The following LRP1B variants were observed in gnomAD, a reference collection of about 807,000 sequenced individuals.
LRP1B encodes the protein LDL receptor related protein 1B.
Under a neutral mutation model 556.6 loss-of-function variants are expected in LRP1B, and 217 were observed. That is an observed-to-expected ratio of 0.39 (90% CI 0.35 to 0.44). LRP1B has a LOEUF of 0.44. LRP1B is among the 20% of genes least tolerant of loss of function. The pLI is 1.00. For missense variants in LRP1B, 5,053 were observed against 5,620.8 expected, an observed-to-expected ratio of 0.90 and a Z score of 3.23; for synonymous variants, 2,047 against 1,865.8, an observed-to-expected ratio of 1.10 and a Z score of -2.50.
At chr2:140,303,012 C>CACATAT (rs1386410889) in intron 83 of LRP1B, among the ~76,000 whole-genome samples, 20 of 82,836 alleles carry the variant, frequency 2.4e-4, no homozygotes, top group Admixed American at 9.7e-4. Flanking sequence ...AAATCTCCTT[C>CACATAT]ATATATATAT....
intron 35 of LRP1B, among the ~76,000 whole-genome samples, chr2:140,760,613 C>T (rs529170941): frequency 1.3e-5 from 2 of 152,234 alleles, no homozygotes; most frequent in East Asian, 3.9e-4. Context: ...TGGCTGGGCG[C>T]AGTGGCTCAC....
intron 35 of LRP1B, among the ~76,000 whole-genome samples, chr2:140,749,322 A>G (rs992890781): frequency 6.6e-6 from 1 of 152,044 alleles, no homozygotes; most frequent in African/African-American, 2.4e-5. Flanking sequence ...TCTTTCTTCA[A>G]TAACAAATTA....
rs372902985 is a variant in LRP1B at position 140,981,157 on chromosome 2, G to A, written c.2887+1003C>T. Among the ~76,000 whole-genome samples, 23 of 151,992 alleles carry A rather than the reference G, an allele frequency of 1.5e-4. No homozygotes were observed. In the South Asian group the frequency reaches 4.0e-3, roughly 26 times the overall value. On this transcript the variant is annotated intron_variant, in intron 18 of 90. Coordinates refer to ENST00000389484, the MANE Select transcript of LRP1B (RefSeq NM_018557.3). ...ATATTGAGTACAGTGTACTCTGCTCGGGTGATGAGTGCGCTAAAATCTTAG... is the reference window on the plus strand; with the variant it reads ...ATATTGAGTACAGTGTACTCTGCTCAGGTGATGAGTGCGCTAAAATCTTAG...
intron 15 of LRP1B, among the ~76,000 whole-genome samples, chr2:141,001,789 C>T (rs561812402): frequency 5.3e-5 from 8 of 152,164 alleles, no homozygotes; most frequent in South Asian, 4.1e-4. Flanking sequence ...CGTGTGCGTG[C>T]GCACGCATAT....
intron 7 of LRP1B, among the ~76,000 whole-genome samples, chr2:141,081,166 A>G (rs927591343): frequency 6.6e-6 from 1 of 152,094 alleles, no homozygotes; most frequent in Non-Finnish European, 1.5e-5. Context: ...TTGATGCTTA[A>G]AATGTTTGGG....
intron 71 of LRP1B, among the ~76,000 whole-genome samples, chr2:140,365,476 C>T (rs1452730224): frequency 1.3e-5 from 2 of 151,546 alleles, no homozygotes; most frequent in Non-Finnish European, 3.0e-5. Context: ...CGCAAAGGAC[C>T]TAAGTAATGA....
chr2:141,615,726 G>T (rs1276559014), intron 2 of LRP1B, among the ~76,000 whole-genome samples: 1 of 152,070 alleles, frequency 6.6e-6, no homozygotes, highest in Non-Finnish European at 1.5e-5. Flanking sequence ...CTTCCCTGAA[G>T]AACATTTAAA....
At chr2:141,002,113 C>A (rs79125927) in intron 15 of LRP1B, among the ~76,000 whole-genome samples, 2,449 of 151,930 alleles carry the variant, frequency 0.016, 72 homozygotes, top group African/African-American at 0.055. Flanking sequence ...AAAAATAATA[C>A]CACAGAATAA....
At chr2:140,299,165 AT>A (rs1683717367) in intron 83 of LRP1B, among the ~76,000 whole-genome samples, 1 of 152,106 alleles carries the variant, frequency 6.6e-6, no homozygotes, top group African/African-American at 2.4e-5. Context: ...AAGTGTGAAA[AT>A]GATATAATTT....
At chr2:141,988,310 CTCTT>C (rs1702257386) in intron 1 of LRP1B, among the ~76,000 whole-genome samples, 1 of 151,686 alleles carries the variant, frequency 6.6e-6, no homozygotes, top group Admixed American at 6.6e-5. Context: ...TCTCTTTATT[CTCTT>C]TATTAAATCA....
chr2:140,457,745 A>G, intron 60 of LRP1B, 94 bp from the exon 61 acceptor site: 1 of 991,752 alleles, frequency 1.0e-6, no homozygotes. Context: ...CAACTGCTAC[A>G]TAACTTCGTG....
intron 7 of LRP1B, among the ~76,000 whole-genome samples, chr2:141,139,787 G>GCA (rs1383737211): frequency 3.4e-5 from 3 of 87,426 alleles, no homozygotes; most frequent in African/African-American, 7.3e-5. Context: ...AAAAATGTGT[G>GCA]TGTGTGTGTG....
intron 3 of LRP1B, among the ~76,000 whole-genome samples, chr2:141,474,040 C>CT (rs1399982048): frequency 8.9e-6 from 1 of 112,372 alleles, no homozygotes; most frequent in South Asian, 2.6e-4. Context: ...TCCTTCCTTC[C>CT]TTCCTTTCCT....
At chr2:140,893,759 A>G (rs1482457209) in intron 23 of LRP1B, among the ~76,000 whole-genome samples, 1 of 149,054 alleles carries the variant, frequency 6.7e-6, no homozygotes, top group African/African-American at 2.6e-5. Flanking sequence ...TGTGAAAGAT[A>G]TTGTTATTAA....
chr2:141,117,088 GC>G (rs1371711126), intron 7 of LRP1B, among the ~76,000 whole-genome samples: 1 of 151,908 alleles, frequency 6.6e-6, no homozygotes, highest in Non-Finnish European at 1.5e-5. Flanking sequence ...ATTCAGGAAT[GC>G]CCCAAGTATC....
intron 32 of LRP1B, among the ~76,000 whole-genome samples, chr2:140,791,870 G>T (rs1690132429): frequency 6.6e-6 from 1 of 152,138 alleles, no homozygotes; most frequent in Non-Finnish European, 1.5e-5. Context: ...TGAGCTGAAG[G>T]CAATTGAGAA....
At chr2:141,051,891 T>C (rs556630994) in intron 10 of LRP1B, among the ~76,000 whole-genome samples, 10 of 152,138 alleles carry the variant, frequency 6.6e-5, no homozygotes, top group Non-Finnish European at 1.3e-4. Flanking sequence ...CTGCTTCATA[T>C]TTAATGTATG....
At chr2:141,395,599 A>T (rs964101439) in intron 3 of LRP1B, among the ~76,000 whole-genome samples, 1 of 152,136 alleles carries the variant, frequency 6.6e-6, no homozygotes, top group African/African-American at 2.4e-5. Context: ...CTTTGACACG[A>T]TGAGGATCCC....
At chr2:140,576,510 T>C (rs1681531913) in intron 43 of LRP1B, among the ~76,000 whole-genome samples, 1 of 152,214 alleles carries the variant, frequency 6.6e-6, no homozygotes, top group Admixed American at 6.5e-5. Flanking sequence ...CACCGGAAGA[T>C]ACAAGACCAT....
Sources: allele counts gnomAD v4.1 joint callset (sites outside exome capture counted in the v4.1 genomes callset), GRCh38; gene constraint gnomAD v4.1.1; transcripts MANE v1.5; gene names NCBI Gene and HGNC (gene_info 2026-07-23, HGNC 2026-07-21).